The following TMPRSS9 variants were observed in gnomAD, a reference collection of about 807,000 sequenced individuals.
TMPRSS9 encodes the protein transmembrane protease serine 9.
TMPRSS9 carries 113 observed loss-of-function variants against 111.4 expected under a neutral mutation model. The ratio of observed to expected loss-of-function variants is 1.01; its 90% CI spans 0.87 to 1.19. TMPRSS9 has a LOEUF of 1.19. Among genes scored for constraint, TMPRSS9 ranks in the 50% most tolerant of loss-of-function variants. TMPRSS9 has a pLI of 0.00. For missense variants in TMPRSS9, 1,803 were observed against 1,513.1 expected (o/e 1.19, Z -3.18); for synonymous variants, 805 against 659.1 (o/e 1.22, Z -3.39).
intron 13 of TMPRSS9, among the ~76,000 whole-genome samples, chr19:2,420,922 A>G (rs1971449538): frequency 1.3e-5 from 2 of 152,112 alleles, no homozygotes; most frequent in African/African-American, 4.8e-5. Flanking sequence ...AAGAATGTTG[A>G]GGCCAGGCCA....
intron 13 of TMPRSS9, among the ~76,000 whole-genome samples, chr19:2,419,350 C>T (rs1489060642): frequency 2.1e-5 from 3 of 144,298 alleles, no homozygotes; most frequent in Middle Eastern, 4.3e-3. Context: ...ATTATAGGCG[C>T]CCGCCACCAT....
chr19:2,374,437 G>C (rs1394048145), intron 1 of TMPRSS9, among the ~76,000 whole-genome samples: 1 of 137,518 alleles, frequency 7.3e-6, no homozygotes, highest in Non-Finnish European at 1.5e-5. Flanking sequence ...AGCTGGGTGT[G>C]GTGGTGGGCG....
At chr19:2,405,276 A>G (rs1438081662) in intron 6 of TMPRSS9, 98 bp from the exon 8 acceptor site, 2 of 1,427,970 alleles carry the variant, frequency 1.4e-6, no homozygotes, top group South Asian at 2.9e-5. Flanking sequence ...CTTTGAACTT[A>G]GGGACTGTAG....
intron 1 of TMPRSS9, among the ~76,000 whole-genome samples, chr19:2,384,543 C>T (rs1196068630): frequency 2.6e-5 from 4 of 151,342 alleles, no homozygotes; most frequent in East Asian, 1.9e-4. Flanking sequence ...TGGTCAGGCG[C>T]GGTGGCTCAC....
chr19:2,403,219 T>A, intron 6 of TMPRSS9, 24 bp downstream of exon 7: 1 of 1,564,044 alleles, frequency 6.4e-7, no homozygotes, highest in Non-Finnish European at 8.7e-7. Flanking sequence ...TCTGGCCTGG[T>A]CTCTGGGCCC....
chr19:2,412,798 T>C (rs1395959425), intron 9 of TMPRSS9, among the ~76,000 whole-genome samples: 1 of 151,968 alleles, frequency 6.6e-6, no homozygotes, highest in Admixed American at 6.6e-5. Flanking sequence ...GCCTGGTGGG[T>C]GAGGAAAAGA....
At position 2,425,513 on chromosome 19, in the gene TMPRSS9, A is replaced by T. The variant is rs1971600169; in HGVS notation, c.3120+20A>T. 1.3e-6 allele frequency: 2 copies of T among 1,549,414 alleles called. No homozygotes were observed. Among genetic ancestry groups the T allele is most frequent in the East Asian group, 2.4e-5 (1 of 41,912 alleles). Reference sequence around the variant, plus strand: ...TGCTCGGTGAGCCCCGCCCCGGCCCAGGGGACCAGGTCCCGCCCAGCCGCC... The same window carrying T: ...TGCTCGGTGAGCCCCGCCCCGGCCCTGGGGACCAGGTCCCGCCCAGCCGCC... On this transcript the variant is annotated intron_variant, in intron 17 of 17. Transcript: ENST00000648592.
intron 5 of TMPRSS9, 87 bp downstream of exon 6, chr19:2,402,103 TG>T: frequency 2.8e-6 from 4 of 1,415,238 alleles, no homozygotes; most frequent in Non-Finnish European, 3.9e-6. Context: ...AAGGAATCCC[TG>T]GAACGAGGCT....
exon 16 of TMPRSS9, chr19:2,425,205 C>T (rs1236614414): frequency 2.0e-6 from 3 of 1,509,582 alleles, no homozygotes; most frequent in Admixed American, 2.1e-5. Flanking sequence ...CCCGAGCCCG[C>T]GCCGCGACCC....
intron 1 of TMPRSS9, among the ~76,000 whole-genome samples, chr19:2,362,793 G>A (rs1970211260): frequency 6.6e-6 from 1 of 151,806 alleles, no homozygotes; most frequent in Non-Finnish European, 1.5e-5. Flanking sequence ...GTGGAGTGAG[G>A]TTGTGTGTGG....
intron 13 of TMPRSS9, among the ~76,000 whole-genome samples, 190 bp from the exon 15 acceptor site, chr19:2,421,664 G>T (rs538328583): frequency 2.8e-4 from 42 of 152,274 alleles, no homozygotes; most frequent in African/African-American, 9.1e-4. Flanking sequence ...GAAACTCAGA[G>T]AGGAGAAGTG....
At chr19:2,409,962 G>A (rs1971060153) in intron 8 of TMPRSS9, among the ~76,000 whole-genome samples, 1 of 152,098 alleles carries the variant, frequency 6.6e-6, no homozygotes, top group Admixed American at 6.6e-5. Context: ...GACCTGGAAT[G>A]AGGGGCCTGA....
chr19:2,373,857 C>T (rs1339498194), intron 1 of TMPRSS9, among the ~76,000 whole-genome samples: 1 of 152,194 alleles, frequency 6.6e-6, no homozygotes, highest in African/African-American at 2.4e-5. Flanking sequence ...TGGAGGTTTT[C>T]AGCCAACTTT....
chr19:2,413,565 C>G (rs1306335223), intron 9 of TMPRSS9, 135 bp from the exon 11 acceptor site: 2 of 965,990 alleles, frequency 2.1e-6, no homozygotes, highest in Admixed American at 2.4e-5. Flanking sequence ...CAATGATCAG[C>G]CCCAGGTGCT....
intron 8 of TMPRSS9, among the ~76,000 whole-genome samples, chr19:2,409,919 G>A (rs949614114): frequency 4.6e-5 from 7 of 152,024 alleles, no homozygotes; most frequent in Non-Finnish European, 8.8e-5. Context: ...TTTGGGGGCT[G>A]ACCTGAGGCC....
exon 1 of TMPRSS9, chr19:2,389,914 G>A (rs761232399): frequency 1.2e-6 from 2 of 1,609,924 alleles, no homozygotes; most frequent in Admixed American, 1.7e-5. Flanking sequence ...TCCTCACCCT[G>A]GGAGTCCTTT....
intron 6 of TMPRSS9, among the ~76,000 whole-genome samples, chr19:2,404,461 T>C (rs572864295): frequency 6.6e-6 from 1 of 151,834 alleles, no homozygotes; most frequent in Admixed American, 6.6e-5. Flanking sequence ...GAGAATCCCT[T>C]GAACCTGGGA....
At chr19:2,396,897 T>G (rs952414739) in intron 2 of TMPRSS9, among the ~76,000 whole-genome samples, 1 of 150,306 alleles carries the variant, frequency 6.7e-6, no homozygotes, top group Non-Finnish European at 1.5e-5. Flanking sequence ...CATGGGACTT[T>G]AGGCCACATT....
intron 10 of TMPRSS9, among the ~76,000 whole-genome samples, chr19:2,414,606 T>C (rs1021228340): frequency 6.6e-6 from 1 of 151,792 alleles, no homozygotes; most frequent in African/African-American, 2.4e-5. Flanking sequence ...CAGGGTGCGG[T>C]GGCTCGTGCC....
Sources: gnomAD v4.1 joint callset for allele counts (sites outside exome capture counted in the v4.1 genomes callset) on GRCh38, gnomAD v4.1.1 for gene constraint, MANE v1.5 for transcripts, NCBI Gene and HGNC (gene_info 2026-07-23, HGNC 2026-07-21) for gene names.